PHEX: variants seen among roughly 807,000 people sequenced by gnomAD.
The protein encoded by PHEX is phosphate-regulating neutral endopeptidase PHEX.
Under a neutral mutation model 68.0 loss-of-function variants are expected in PHEX, and 16 were observed. The observed-to-expected ratio is 0.24, with a 90% confidence interval of 0.16 to 0.36. The LOEUF is 0.36. Among genes scored for constraint, PHEX ranks in the 10% least tolerant of loss-of-function variants. The pLI is 1.00. For synonymous variants in PHEX, 208 were observed against 205.1 expected, an observed-to-expected ratio of 1.01 and a Z score of -0.12; for missense variants, 480 against 575.5, an observed-to-expected ratio of 0.83 and a Z score of 1.70.
chrX:22,214,773 C>G (rs946603712), intron 16 of PHEX, among the ~76,000 whole-genome samples: 2 of 111,485 alleles, frequency 1.8e-5, no homozygotes, highest in African/African-American at 6.5e-5. Flanking sequence ...GTGAGGGCTA[C>G]GAGGACGTGG....
intron 12 of PHEX, among the ~76,000 whole-genome samples, chrX:22,146,552 C>T (rs1355297138): frequency 8.9e-6 from 1 of 111,882 alleles, no homozygotes; most frequent in East Asian, 2.8e-4. Context: ...TGTGGTGGCT[C>T]ACATCTGTAA....
intron 9 of PHEX, among the ~76,000 whole-genome samples, chrX:22,099,893 A>G (rs1168183497): frequency 8.9e-6 from 1 of 112,135 alleles, no homozygotes; most frequent in Non-Finnish European, 1.9e-5. Flanking sequence ...AGACAAGGCT[A>G]TGTTGCCAGA....
At chrX:22,245,029 A>G (rs1936351861) in intron 20 of PHEX, among the ~76,000 whole-genome samples, 1 of 112,065 alleles carries the variant, frequency 8.9e-6, no homozygotes, top group African/African-American at 3.2e-5. Flanking sequence ...CAAACATTAA[A>G]TTCATTGAAT....
chrX:22,129,234 A>G (rs1265336564), intron 11 of PHEX, among the ~76,000 whole-genome samples: 3 of 111,474 alleles, frequency 2.7e-5, no homozygotes, highest in Non-Finnish European at 5.6e-5. Context: ...ACTTCATCAC[A>G]CTAATCAGAA....
At chrX:22,239,140 C>A (rs955610658) in intron 20 of PHEX, among the ~76,000 whole-genome samples, 1 of 111,408 alleles carries the variant, frequency 9.0e-6, no homozygotes, top group African/African-American at 3.3e-5. Flanking sequence ...GCAGAGGAGC[C>A]CTGAGTTAGA....
intron 5 of PHEX, among the ~76,000 whole-genome samples, chrX:22,079,982 C>T (rs760675480): frequency 7.2e-5 from 8 of 111,257 alleles, no homozygotes; most frequent in African/African-American, 2.3e-4. Flanking sequence ...ACCGATATCA[C>T]CTGAACCCTA....
intron 3 of PHEX, among the ~76,000 whole-genome samples, chrX:22,054,596 C>T (rs1450845143): frequency 9.0e-6 from 1 of 111,283 alleles, no homozygotes; most frequent in Non-Finnish European, 1.9e-5. Context: ...ACTGGGTGCA[C>T]CCCTTCAGAG....
Position 22,136,962 on chromosome X carries a change from G to A in PHEX, c.1404+3338G>A, listed in dbSNP as rs1018860296. On this transcript the variant is annotated intron_variant, in intron 12 of 21. Transcript: ENST00000379374. ...GAAATAAGCACCGCTTTTTGTTTAG[G>A]ATTCTCTGTTCCCTGCAAGCATGTG... 2.7e-5 allele frequency among the ~76,000 whole-genome samples: 3 copies of A among 112,075 alleles called. 1 individual carries two copies. The South Asian group carries it at 1.1e-3, about 42-fold the overall frequency.
At chrX:22,106,631 G>A (rs912216026) in intron 9 of PHEX, among the ~76,000 whole-genome samples, 1 of 110,414 alleles carries the variant, frequency 9.1e-6, no homozygotes, top group Non-Finnish European at 1.9e-5. Flanking sequence ...AAAATGTGCT[G>A]AGCACAGTGG....
chrX:22,198,195 A>T (rs1934433903), intron 15 of PHEX, among the ~76,000 whole-genome samples: 2 of 104,587 alleles, frequency 1.9e-5, no homozygotes, highest in Admixed American at 2.2e-4. Flanking sequence ...AATTATATAT[A>T]CTTATATATA....
At chrX:22,245,593 T>C (rs1936368871) in intron 21 of PHEX, among the ~76,000 whole-genome samples, 184 bp downstream of exon 21, 2 of 111,653 alleles carry the variant, frequency 1.8e-5, no homozygotes, top group Non-Finnish European at 3.8e-5. Context: ...CTTCTTTCAT[T>C]AGTAGTAAGC....
chrX:22,188,478 T>G (rs181494809), intron 14 of PHEX, among the ~76,000 whole-genome samples: 57 of 112,954 alleles, frequency 5.0e-4, no homozygotes, highest in Middle Eastern at 4.6e-3. Flanking sequence ...CTATGGCCTG[T>G]GGGCCAAATC....
intron 15 of PHEX, among the ~76,000 whole-genome samples, chrX:22,200,777 T>C (rs140916123): frequency 3.2e-3 from 361 of 111,219 alleles, no homozygotes; most frequent in Non-Finnish European, 5.2e-3. Flanking sequence ...TCTTCTGGTA[T>C]GGAAACAAGA....
rs1183651155 is a variant in PHEX, at chrX:22,038,488, T to G, written c.138T>G (p.Ser46Arg). 1.7e-6 allele frequency: 2 copies of G among 1,199,431 alleles called. No homozygotes were observed. Among genetic ancestry groups the G allele is most frequent in the Non-Finnish European group, 1.1e-6 (1 of 884,535 alleles). ...TTTCAGTGAGTCAAGGTCTCTTAAG[T>G]CTCCAAGCTAAACAGGAGTACTGCC... Reference protein sequence around the residue: ...ILFLVSQGLLSLQAKQEYCLK... With the variant: ...ILFLVSQGLLRLQAKQEYCLK... The change falls in exon 2 of 22, where the codon AGT becomes AGG. Residue 46 changes from serine to arginine, a missense_variant. Transcript: ENST00000379374.
chrX:22,039,002 G>A (rs1431702874), intron 2 of PHEX, among the ~76,000 whole-genome samples: 2 of 111,828 alleles, frequency 1.8e-5, no homozygotes, highest in Non-Finnish European at 3.8e-5. Context: ...AAATTGAGAC[G>A]GAGTCTTGCT....
intron 11 of PHEX, among the ~76,000 whole-genome samples, chrX:22,116,569 A>G (rs1405821032): frequency 9.0e-6 from 1 of 111,627 alleles, no homozygotes; most frequent in Admixed American, 9.5e-5. Context: ...GTGATACATA[A>G]TAATACCAAA....
intron 20 of PHEX, among the ~76,000 whole-genome samples, chrX:22,233,850 C>T (rs781017171): frequency 5.5e-4 from 61 of 111,771 alleles, no homozygotes; most frequent in Middle Eastern, 4.7e-3. Flanking sequence ...AGTTTTGTTC[C>T]CTTGCTGGCG....
At chrX:22,159,868 A>G (rs1174596727) in intron 12 of PHEX, among the ~76,000 whole-genome samples, 1 of 112,432 alleles carries the variant, frequency 8.9e-6, no homozygotes, top group African/African-American at 3.2e-5. Flanking sequence ...ATTAGAACTA[A>G]ATGTATCCAT....
intron 16 of PHEX, 53 bp downstream of exon 16, chrX:22,213,011 G>A (rs990259966): frequency 8.6e-6 from 8 of 927,602 alleles, no homozygotes; most frequent in Non-Finnish European, 1.3e-5. Context: ...AGAACATGTT[G>A]CTTTGGTAGA....
Sources: allele counts gnomAD v4.1 joint callset (sites outside exome capture counted in the v4.1 genomes callset), GRCh38; gene constraint gnomAD v4.1.1; transcripts MANE v1.5; gene names NCBI Gene and HGNC (gene_info 2026-07-23, HGNC 2026-07-21).